The following LDLRAD3 variants were observed in gnomAD, a reference collection of about 807,000 sequenced individuals.
The protein encoded by LDLRAD3 is low-density lipoprotein receptor class A domain-containing protein 3.
In LDLRAD3, 20 loss-of-function variants were observed where a neutral mutation model predicts 29.4. The ratio of observed to expected loss-of-function variants is 0.68; its 90% CI spans 0.48 to 0.99. LDLRAD3 has a LOEUF of 0.99. LDLRAD3 is among the 50% of genes least tolerant of loss of function. The pLI is 0.00. For missense variants in LDLRAD3, 420 were observed against 454.3 expected (o/e 0.92, Z 0.69); for synonymous variants, 157 against 192.7 (o/e 0.81, Z 1.53).
intron 1 of LDLRAD3, among the ~76,000 whole-genome samples, chr11:36,000,913 A>G (rs1255052097): frequency 6.6e-6 from 1 of 152,122 alleles, no homozygotes; most frequent in African/African-American, 2.4e-5. Context: ...GAGGGTCCCC[A>G]GGGAAGCAGA....
At chr11:36,194,135 T>A (rs138931241) in intron 4 of LDLRAD3, among the ~76,000 whole-genome samples, 13 of 152,256 alleles carry the variant, frequency 8.5e-5, no homozygotes, top group African/African-American at 2.9e-4. Context: ...GAATACAGGC[T>A]CCTTAGGTGC....
At chr11:36,059,501 C>A (rs1241451749) in intron 2 of LDLRAD3, among the ~76,000 whole-genome samples, 1 of 151,970 alleles carries the variant, frequency 6.6e-6, no homozygotes. Flanking sequence ...TTGTACCCTC[C>A]CCTGCCATCC....
rs1210770835 is a variant in LDLRAD3 at position 36,036,180 on chromosome 11, T to C, written c.124T>C (p.Cys42Arg). ...PGNFMCSNGRCIPGAWQCDGL... is the reference protein window; with the variant it reads ...PGNFMCSNGRRIPGAWQCDGL... ...CAACTTCATGTGCAGCAATGGACGG[T>C]GCATCCCGGGCGCCTGGCAGTGTGA... The change falls in exon 2 of 6, where the codon TGC becomes CGC. Residue 42 changes from cysteine (C) to arginine (R), a missense_variant. Cys to Arg is a radical substitution (Grantham distance 180). This residue lies in a region of LDLRAD3 where 224 missense variants were observed against 222.2 expected (regional missense o/e 1.01). Coordinates refer to ENST00000315571, the MANE Select transcript of LDLRAD3 (RefSeq NM_174902.4). 6.2e-7 allele frequency: 1 copy of C among 1,614,172 alleles called. No homozygotes were observed. The highest frequency in any genetic ancestry group is 8.5e-7 in the Non-Finnish European group (1 of 1,180,020).
At chr11:36,143,138 T>C (rs1854111434) in intron 4 of LDLRAD3, among the ~76,000 whole-genome samples, 1 of 152,340 alleles carries the variant, frequency 6.6e-6, no homozygotes. Context: ...TGAGTCTCAG[T>C]CTGGGAAAGC....
In LDLRAD3 at chr11:35,982,846, T is replaced by C. The variant is rs1258153562; in HGVS notation, c.46+38702T>C. ...TGTGTCTGTGTTTAGGCCTGTTTGC[T>C]GCTTTTTTTTTTTTTTTTTTTTTTT... On this transcript the variant is annotated intron_variant, in intron 1 of 5. Coordinates refer to ENST00000315571, the MANE Select transcript of LDLRAD3 (RefSeq NM_174902.4). Among the ~76,000 whole-genome samples, 4 of 140,588 alleles carry C rather than the reference T, an allele frequency of 2.8e-5. No individual in the cohort carries two copies. The East Asian group carries it at 8.9e-4, about 31-fold the overall frequency. The allele number at this position is 140,588 out of a possible 152,430, so 92.2% of individuals were successfully genotyped here. A position where few individuals can be genotyped will look rare whatever the true frequency, so the allele number is the denominator to read the frequency against.
At chr11:36,088,287 C>T (rs1853225266) in intron 3 of LDLRAD3, among the ~76,000 whole-genome samples, 1 of 152,038 alleles carries the variant, frequency 6.6e-6, no homozygotes, top group Non-Finnish European at 1.5e-5. Flanking sequence ...GGAGGTGAAA[C>T]CCTGGGTTGG....
chr11:36,198,286 T>C (rs979003511), intron 4 of LDLRAD3, among the ~76,000 whole-genome samples: 5 of 151,726 alleles, frequency 3.3e-5, no homozygotes, highest in African/African-American at 7.3e-5. Context: ...CCCTTTCACA[T>C]TGCATATAAT....
At chr11:36,096,913 C>T (rs1183541808) in intron 3 of LDLRAD3, among the ~76,000 whole-genome samples, 1 of 152,182 alleles carries the variant, frequency 6.6e-6, no homozygotes, top group Admixed American at 6.5e-5. Flanking sequence ...AGTGGCAGAG[C>T]TGGGATTGGA....
rs1014768449 is a variant in LDLRAD3, at chr11:35,944,601, C to A, written c.46+457C>A. ...TCTGGGCCTCTTCCCGAGTCTCTGG[C>A]GTGCACTCCGTGCCTCAGTTTCCCC... On this transcript the variant is annotated intron_variant, in intron 1 of 5. Coordinates refer to ENST00000315571, the MANE Select transcript of LDLRAD3 (RefSeq NM_174902.4). This position sits in a 1 kb window ranked among gnomAD's most constrained non-coding sequence, Gnocchi z 4.9. Among the ~76,000 whole-genome samples the A allele has an allele frequency of 2.6e-5, 4 of 152,140 alleles. No homozygotes were observed. The highest frequency in any genetic ancestry group is 4.4e-5 in the Non-Finnish European group (3 of 68,012).
At chr11:36,019,088 A>G (rs1852059136) in intron 1 of LDLRAD3, among the ~76,000 whole-genome samples, 1 of 152,042 alleles carries the variant, frequency 6.6e-6, no homozygotes, top group Non-Finnish European at 1.5e-5. Flanking sequence ...GTTTTTATTT[A>G]ATTAGGTGAA....
chr11:36,155,924 G>A (rs1854343554), intron 4 of LDLRAD3, among the ~76,000 whole-genome samples: 1 of 152,184 alleles, frequency 6.6e-6, no homozygotes, highest in Admixed American at 6.5e-5. Context: ...AGTAGCATGT[G>A]GCCACCTGCA....
chr11:36,121,837 A>T (rs1226701203), intron 4 of LDLRAD3, among the ~76,000 whole-genome samples: 2 of 152,222 alleles, frequency 1.3e-5, no homozygotes, highest in African/African-American at 4.8e-5. Flanking sequence ...CTTCTTCCTC[A>T]CAAATCCAGC....
chr11:36,069,207 G>C (rs906507024), intron 2 of LDLRAD3, among the ~76,000 whole-genome samples: 18 of 152,148 alleles, frequency 1.2e-4, no homozygotes, highest in Non-Finnish European at 2.2e-4. Flanking sequence ...TTGCTTTCTG[G>C]GCTGTTTGTC....
intron 1 of LDLRAD3, among the ~76,000 whole-genome samples, chr11:36,028,286 T>G (rs1294553271): frequency 6.6e-6 from 1 of 152,118 alleles, no homozygotes; most frequent in Non-Finnish European, 1.5e-5. Context: ...TTGTGGAGAG[T>G]CTTCCAGGCA....
At chr11:36,217,767 A>G (rs769823209) in intron 4 of LDLRAD3, among the ~76,000 whole-genome samples, 17 of 151,030 alleles carry the variant, frequency 1.1e-4, no homozygotes, top group Non-Finnish European at 4.4e-5. Flanking sequence ...GCCGCTGGCA[A>G]TTCTTGGTGT....
intron 1 of LDLRAD3, among the ~76,000 whole-genome samples, chr11:36,026,280 AATGTACCC>A (rs1405767080): frequency 6.6e-6 from 1 of 152,152 alleles, no homozygotes; most frequent in Non-Finnish European, 1.5e-5. Flanking sequence ...TCATTGTGTG[AATGTACCC>A]TGTTTTCTCA....
chr11:36,085,394 G>A (rs921132767), intron 3 of LDLRAD3, among the ~76,000 whole-genome samples: 2 of 149,092 alleles, frequency 1.3e-5, no homozygotes, highest in African/African-American at 5.0e-5. Context: ...ATCATAGCGT[G>A]TCTGGGTATA....
chr11:36,074,893 C>T (rs528457616), intron 2 of LDLRAD3, among the ~76,000 whole-genome samples: 27 of 152,186 alleles, frequency 1.8e-4, no homozygotes, highest in Non-Finnish European at 3.7e-4. Flanking sequence ...AGCTAAAATG[C>T]CCATCTGTGC....
At chr11:35,973,295 A>T (rs1851438445) in intron 1 of LDLRAD3, among the ~76,000 whole-genome samples, 1 of 152,122 alleles carries the variant, frequency 6.6e-6, no homozygotes. Flanking sequence ...TATGCACTAT[A>T]AATTATTTCA....
Sources: gnomAD v4.1 joint callset for allele counts (sites outside exome capture counted in the v4.1 genomes callset) on GRCh38, gnomAD v4.1.1 for gene constraint, gnomAD v4.1.1 regional missense constraint, Gnocchi (gnomAD v3.1) non-coding constraint, MANE v1.5 for transcripts, NCBI Gene and HGNC (gene_info 2026-07-23, HGNC 2026-07-21) for gene names.